Variants in ST6GALNAC1 observed in about 807,000 individuals in gnomAD.
The protein encoded by ST6GALNAC1 is ST6 N-acetylgalactosaminide alpha-2,6-sialyltransferase 1, also known as alpha-N-acetylgalactosaminide alpha-2,6-sialyltransferase 1.
ST6GALNAC1 carries 45 observed loss-of-function variants against 56.8 expected under a neutral mutation model. That is an observed-to-expected ratio of 0.79 (90% CI 0.62 to 1.02). The LOEUF (loss-of-function observed/expected upper bound fraction) is 1.02, where lower values mean the gene tolerates loss of function less well. ST6GALNAC1 is among the 50% of genes least tolerant of loss of function. The pLI, the probability that ST6GALNAC1 is intolerant of heterozygous loss-of-function variation, is 0.00. For missense variants in ST6GALNAC1, 743 were observed against 754.8 expected (o/e 0.98, Z 0.18); for synonymous variants, 295 against 297.8 (o/e 0.99, Z 0.10).
Position 76,626,377 on chromosome 17 carries a change from G to C in ST6GALNAC1, c.1327C>G (p.His443Asp), listed in dbSNP as rs911675763. ...VPLGKDVRYLHFLEGTRDYEW... is the reference protein window; with the variant it reads ...VPLGKDVRYLDFLEGTRDYEW... ...TAGTCCCGGGTGCCTTCCAGGAAGT[G>C]CAAGTAGCGGACGTCCTGAGGACCA... The change falls in exon 6 of 9, where the codon CAC becomes GAC. Residue 443 changes from histidine to aspartate, a missense_variant. Coordinates refer to ENST00000156626, the MANE Select transcript of ST6GALNAC1 (RefSeq NM_018414.5). 1.2e-6 allele frequency: 2 copies of C among 1,614,182 alleles called. No homozygotes were observed. Among genetic ancestry groups the C allele is most frequent in the Non-Finnish European group, 1.7e-6 (2 of 1,180,016 alleles).
chr17:76,629,535 T>C lies in ST6GALNAC1; in HGVS notation c.308A>G (p.Glu103Gly). 1.2e-6 allele frequency: 2 copies of C among 1,614,094 alleles called. No individual in the cohort carries two copies. The highest frequency in any genetic ancestry group is 1.7e-6 in the Non-Finnish European group (2 of 1,180,028). The change falls in exon 2 of 9, where the codon GAG (glutamate) becomes GGG (glycine). Residue 103 changes from glutamate to glycine, a missense_variant. Glu to Gly is a moderately conservative substitution (Grantham distance 98, BLOSUM62 -2). Coordinates refer to ENST00000156626, the MANE Select transcript of ST6GALNAC1 (RefSeq NM_018414.5). ...CTCCTCCGGCGGTGCCTGGTTGGCC[T>C]CCTTTCCTCTGTCTCCGGTGGTGTG... ...KAHTTGDRGK[E>G]ANQAPPEEQD...
At chr17:76,636,314 A>C (rs2075972727) in intron 1 of ST6GALNAC1, among the ~76,000 whole-genome samples, 1 of 152,082 alleles carries the variant, frequency 6.6e-6, no homozygotes, top group Non-Finnish European at 1.5e-5. Context: ...TCAATCTTGG[A>C]GAAGTTATGA....
intron 1 of ST6GALNAC1, among the ~76,000 whole-genome samples, chr17:76,639,095 A>C (rs1420450807): frequency 1.3e-5 from 2 of 152,230 alleles, no homozygotes; most frequent in Non-Finnish European, 2.9e-5. Flanking sequence ...CTATTGACAG[A>C]GTACTCTGCA....
chr17:76,629,337 C>T lies in ST6GALNAC1; in HGVS notation c.506G>A (p.Gly169Asp), dbSNP rs771043163. 1.2e-6 allele frequency: 2 copies of T among 1,614,172 alleles called. No homozygotes were observed. Among genetic ancestry groups the T allele is most frequent in the Non-Finnish European group, 8.5e-7 (1 of 1,180,008 alleles). ...GGAGGCCGTCAGCTTCCTGGTCTGG[C>T]CCCCATTTCCTTGGGTCGTCTTTGT... ...QDTKTTQGNG[G>D]QTRKLTASRT... is the part of the protein sequence containing the mutation. The change falls in exon 2 of 9, where the codon GGC becomes GAC. Residue 169 changes from glycine to aspartate, a missense_variant. Physicochemically the swap from Gly to Asp is moderately conservative, Grantham distance 94. Coordinates refer to ENST00000156626, the MANE Select transcript of ST6GALNAC1 (RefSeq NM_018414.5).
intron 1 of ST6GALNAC1, chr17:76,637,351 TAAA>T (rs201789498): frequency 2.1e-4 from 26 of 123,348 alleles, no homozygotes; most frequent in East Asian, 4.0e-4. Context: ...AGATGTGAAT[TAAA>T]AAAAAAAAAA....
intron 1 of ST6GALNAC1, among the ~76,000 whole-genome samples, chr17:76,633,441 C>T (rs752363216): frequency 3.9e-5 from 6 of 152,132 alleles, no homozygotes; most frequent in Non-Finnish European, 5.9e-5. Context: ...ACCTGGAAGG[C>T]GGAGGTTGCG....
rs10693413 is a variant in ST6GALNAC1, at chr17:76,642,219, CCTATCTATCTAT to C, written c.131+1277_131+1288del. On this transcript the variant is annotated intron_variant, in intron 1 of 8. Transcript: ENST00000156626. ...CTCTATCTCTCTCTCTCTCTATCTGCCTATCTATCTATCTATCTATCTATCATCTATCTATCG... is the reference window on the plus strand; with the variant it reads ...CTCTATCTCTCTCTCTCTCTATCTGCCTATCTATCTATCATCTATCTATCG... Among the ~76,000 whole-genome samples the C allele has an allele frequency of 8.0e-5, 12 of 150,078 alleles. No individual in the cohort carries two copies. In the East Asian group the frequency reaches 2.1e-3, roughly 27 times the overall value.
At chr17:76,635,753 A>G (rs1428192769) in intron 1 of ST6GALNAC1, among the ~76,000 whole-genome samples, 1 of 152,256 alleles carries the variant, frequency 6.6e-6, no homozygotes, top group Non-Finnish European at 1.5e-5. Context: ...TTGAGTAGCC[A>G]TGACATGACA....
intron 1 of ST6GALNAC1, among the ~76,000 whole-genome samples, chr17:76,631,063 C>CTG (rs1331837039): frequency 5.4e-4 from 40 of 74,450 alleles, no homozygotes; most frequent in African/African-American, 1.9e-3. Context: ...CCCAGCTAAT[C>CTG]TCTGTGTGTG....
intron 1 of ST6GALNAC1, among the ~76,000 whole-genome samples, chr17:76,636,830 G>A (rs2075981068): frequency 6.6e-6 from 1 of 152,290 alleles, no homozygotes; most frequent in African/African-American, 2.4e-5. Flanking sequence ...GAATAGAAAA[G>A]GGGGAAATGT....
At chr17:76,630,221 T>C (rs1003900097) in intron 1 of ST6GALNAC1, among the ~76,000 whole-genome samples, 9 of 152,274 alleles carry the variant, frequency 5.9e-5, no homozygotes, top group Admixed American at 4.6e-4. Context: ...GGAATACAAA[T>C]TGGAATAAGA....
chr17:76,642,411 C>G (rs141218382), intron 1 of ST6GALNAC1, among the ~76,000 whole-genome samples: 1 of 152,034 alleles, frequency 6.6e-6, no homozygotes, highest in Non-Finnish European at 1.5e-5. Flanking sequence ...AGTGAGTTAA[C>G]GTATATCAAG....
intron 1 of ST6GALNAC1, among the ~76,000 whole-genome samples, chr17:76,633,249 G>A (rs887634137): frequency 2.6e-5 from 4 of 151,868 alleles, no homozygotes; most frequent in Non-Finnish European, 4.4e-5. Flanking sequence ...GGTGGCTCAC[G>A]CCTGTAATCC....
downstream of ST6GALNAC1, among the ~76,000 whole-genome samples, chr17:76,622,970 T>C (rs1342663690): frequency 6.6e-6 from 1 of 152,206 alleles, no homozygotes; most frequent in Non-Finnish European, 1.5e-5. Flanking sequence ...ATTTTTTGTA[T>C]TTTTATTAAA....
chr17:76,641,436 A>C (rs990149372), intron 1 of ST6GALNAC1, among the ~76,000 whole-genome samples: 1 of 152,220 alleles, frequency 6.6e-6, no homozygotes, highest in African/African-American at 2.4e-5. Flanking sequence ...ATATGAAAAA[A>C]ATAATAAAAA....
At chr17:76,622,377 T>C (rs1567949322), downstream of ST6GALNAC1, among the ~76,000 whole-genome samples, 1 of 151,974 alleles carries the variant, frequency 6.6e-6, no homozygotes, top group Non-Finnish European at 1.5e-5. Context: ...ATTATTATTA[T>C]TATTTTGAGA....
chr17:76,629,777 T>C, intron 1 of ST6GALNAC1, 66 bp from the exon 2 acceptor site: 2 of 1,174,494 alleles, frequency 1.7e-6, no homozygotes, highest in Non-Finnish European at 2.4e-6. Context: ...GCATAAGTAG[T>C]TTTTTGTTTT....
intron 1 of ST6GALNAC1, among the ~76,000 whole-genome samples, chr17:76,631,065 CTGTGTGTG>C (rs34663902): frequency 0.016 from 2,323 of 146,720 alleles, 49 homozygotes; most frequent in African/African-American, 0.048. Context: ...CAGCTAATCT[CTGTGTGTG>C]TGTGTGTGTG....
intron 1 of ST6GALNAC1, among the ~76,000 whole-genome samples, chr17:76,639,290 A>G (rs2076015353): frequency 6.6e-6 from 1 of 152,096 alleles, no homozygotes; most frequent in Non-Finnish European, 1.5e-5. Context: ...AAATAAGACA[A>G]TGCCGGCCGG....
Sources: allele counts gnomAD v4.1 joint callset (sites outside exome capture counted in the v4.1 genomes callset), GRCh38; gene constraint gnomAD v4.1.1; transcripts MANE v1.5; gene names NCBI Gene and HGNC (gene_info 2026-07-23, HGNC 2026-07-21).